The following LRBA variants were observed in gnomAD, a reference collection of about 807,000 sequenced individuals.
The protein encoded by LRBA is LPS responsive beige-like anchor protein, also known as lipopolysaccharide-responsive and beige-like anchor protein.
A neutral mutation model predicts 330.0 loss-of-function variants in LRBA; 176 were observed. That is an observed-to-expected ratio of 0.53 (90% CI 0.47 to 0.60). LRBA has a LOEUF of 0.60. LRBA is among the 20% of genes least tolerant of loss of function. The pLI is 0.00. For synonymous variants in LRBA, 1,230 were observed against 1,193.0 expected, an observed-to-expected ratio of 1.03 and a Z score of -0.64; for missense variants, 3,259 against 3,444.8, an observed-to-expected ratio of 0.95 and a Z score of 1.35.
chr4:150,833,664 C>T (rs1018130963), intron 28 of LRBA, among the ~76,000 whole-genome samples: 3 of 152,132 alleles, frequency 2.0e-5, no homozygotes, highest in African/African-American at 4.8e-5. Flanking sequence ...TTCAGTGAGT[C>T]ACAATCTTTT....
intron 37 of LRBA, among the ~76,000 whole-genome samples, chr4:150,629,964 C>G (rs1303222850): frequency 6.6e-6 from 1 of 152,116 alleles, no homozygotes; most frequent in Non-Finnish European, 1.5e-5. Context: ...GAGCAAAACT[C>G]AGTATCAAAA....
intron 2 of LRBA, among the ~76,000 whole-genome samples, chr4:150,993,544 T>A (rs2149632762): frequency 6.6e-6 from 1 of 152,202 alleles, no homozygotes; most frequent in Admixed American, 6.5e-5. Context: ...ATTGTATTAG[T>A]CCATTTTCAT....
chr4:150,859,984 C>T (rs1242245004), intron 22 of LRBA, among the ~76,000 whole-genome samples: 1 of 152,044 alleles, frequency 6.6e-6, no homozygotes, highest in African/African-American at 2.4e-5. Flanking sequence ...TTAATAGCTG[C>T]TAAAAATTGT....
intron 44 of LRBA, among the ~76,000 whole-genome samples, chr4:150,448,605 C>T (rs1752910762): frequency 6.6e-6 from 1 of 151,970 alleles, no homozygotes; most frequent in Non-Finnish European, 1.5e-5. Flanking sequence ...AGTTAGAGAT[C>T]AGCCTGGCCA....
intron 33 of LRBA, among the ~76,000 whole-genome samples, chr4:150,804,615 T>C (rs1343155640): frequency 2.0e-5 from 3 of 152,150 alleles, no homozygotes; most frequent in African/African-American, 7.2e-5. Context: ...TGCCAGTTGA[T>C]ACTTAAAGAC....
intron 40 of LRBA, among the ~76,000 whole-genome samples, chr4:150,510,355 G>A (rs920687127): frequency 6.6e-6 from 1 of 152,064 alleles, no homozygotes; most frequent in Non-Finnish European, 1.5e-5. Context: ...GAAAGAATAC[G>A]TGCCAACTCG....
chr4:150,977,487 C>T (rs1193951430), intron 2 of LRBA, among the ~76,000 whole-genome samples: 1 of 152,132 alleles, frequency 6.6e-6, no homozygotes, highest in African/African-American at 2.4e-5. Context: ...CCCTGCAGAA[C>T]CAGAAGCAAC....
chr4:150,402,667 T>G (rs1029765844), intron 47 of LRBA, among the ~76,000 whole-genome samples: 1 of 152,106 alleles, frequency 6.6e-6, no homozygotes, highest in Non-Finnish European at 1.5e-5. Context: ...CTATTTTTGT[T>G]TATTTATATA....
chr4:150,658,364 A>C lies in LRBA; in HGVS notation c.5921+25187T>G, dbSNP rs190703639. On this transcript the variant is annotated intron_variant, in intron 37 of 56. Transcript: ENST00000651943. ...TAAAATAACAGTCTGCAAGCCAAAA[A>C]AAAAAAAAACTGCTGAAATCTTTCC... Among the ~76,000 whole-genome samples, 415 of 151,280 alleles carry C rather than the reference A, an allele frequency of 2.7e-3. 8 individuals carry two copies. Among genetic ancestry groups the C allele is most frequent in the Admixed American group, 0.026 (401 of 15,150 alleles).
intron 36 of LRBA, among the ~76,000 whole-genome samples, chr4:150,711,052 C>G (rs1786146244): frequency 6.6e-6 from 1 of 151,048 alleles, no homozygotes; most frequent in African/African-American, 2.4e-5. Context: ...AAAGCTACAT[C>G]AAAAAAAATT....
intron 37 of LRBA, among the ~76,000 whole-genome samples, chr4:150,639,176 G>A (rs2126706531): frequency 6.8e-6 from 1 of 146,220 alleles, no homozygotes; most frequent in African/African-American, 2.5e-5. Flanking sequence ...ACACAGGAAG[G>A]GGAATATCAC....
At chr4:150,636,860 G>A (rs1777974183) in intron 37 of LRBA, among the ~76,000 whole-genome samples, 1 of 152,010 alleles carries the variant, frequency 6.6e-6, no homozygotes, top group Non-Finnish European at 1.5e-5. Flanking sequence ...TGTTGCTCAG[G>A]CTGGTCTCAA....
At chr4:150,462,173 A>G (rs2152051580) in intron 44 of LRBA, among the ~76,000 whole-genome samples, 1 of 151,948 alleles carries the variant, frequency 6.6e-6, no homozygotes, top group Admixed American at 6.6e-5. Flanking sequence ...ATGTCACTCC[A>G]AATTCTATGC....
At chr4:150,771,200 TAAC>T (rs1020450285) in intron 34 of LRBA, among the ~76,000 whole-genome samples, 1 of 152,114 alleles carries the variant, frequency 6.6e-6, no homozygotes, top group African/African-American at 2.4e-5. Flanking sequence ...CTAGAGGTAA[TAAC>T]AAGTGGTAAC....
intron 4 of LRBA, 51 bp downstream of exon 4, chr4:150,928,465 G>T: frequency 9.1e-7 from 1 of 1,095,796 alleles, no homozygotes; most frequent in Middle Eastern, 2.0e-4. Flanking sequence ...CTACGAATGT[G>T]TTTGGGAGGA....
At chr4:150,568,458 C>T (rs1259389802) in intron 40 of LRBA, among the ~76,000 whole-genome samples, 1 of 152,082 alleles carries the variant, frequency 6.6e-6, no homozygotes, top group African/African-American at 2.4e-5. Context: ...TTATTCCCTC[C>T]TTCTTTCTAT....
intron 34 of LRBA, among the ~76,000 whole-genome samples, chr4:150,780,299 G>C (rs1215680845): frequency 2.6e-5 from 4 of 152,058 alleles, no homozygotes; most frequent in African/African-American, 9.7e-5. Flanking sequence ...TTCAGTAGGA[G>C]CAAATAAGGT....
At chr4:150,804,800 G>A (rs1317762100) in intron 33 of LRBA, among the ~76,000 whole-genome samples, 2 of 151,990 alleles carry the variant, frequency 1.3e-5, no homozygotes, top group East Asian at 3.9e-4. Flanking sequence ...AAAAAGCCCT[G>A]TAGCTTCACC....
chr4:150,612,865 G>A (rs747791065), intron 37 of LRBA, among the ~76,000 whole-genome samples: 3 of 152,170 alleles, frequency 2.0e-5, no homozygotes, highest in Non-Finnish European at 4.4e-5. Flanking sequence ...GAAAGGCAAA[G>A]AGTAATCACA....
Sources: allele counts gnomAD v4.1 joint callset (sites outside exome capture counted in the v4.1 genomes callset), GRCh38; gene constraint gnomAD v4.1.1; transcripts MANE v1.5; gene names NCBI Gene and HGNC (gene_info 2026-07-23, HGNC 2026-07-21).